CACNG7: variants seen among roughly 807,000 people sequenced by gnomAD.
CACNG7 encodes calcium voltage-gated channel auxiliary subunit gamma 7.
A neutral mutation model predicts 26.3 loss-of-function variants in CACNG7; 9 were observed. The ratio of observed to expected loss-of-function variants is 0.34; its 90% confidence interval spans 0.21 to 0.60. The LOEUF (loss-of-function observed/expected upper bound fraction) is 0.60, where lower values mean the gene tolerates loss of function less well. Among genes scored for constraint, CACNG7 ranks in the 20% least tolerant of loss-of-function variants. CACNG7 has a pLI of 0.81. For synonymous variants in CACNG7, 170 were observed against 157.0 expected (o/e 1.08, Z -0.62); for missense variants, 297 against 380.4 (o/e 0.78, Z 1.82).
intron 1 of CACNG7, among the ~76,000 whole-genome samples, chr19:53,911,048 G>A (rs1334678381): frequency 6.7e-6 from 1 of 149,498 alleles, no homozygotes; most frequent in African/African-American, 2.6e-5. Context: ...GATTGGTGGT[G>A]GTGGTGGGGT....
At chr19:53,925,484 G>GCTGGTCCTTGGTGGACTTGCCCCAGGT (rs1555811165) in intron 4 of CACNG7, among the ~76,000 whole-genome samples, 1 of 116,684 alleles carries the variant, frequency 8.6e-6, no homozygotes, top group Non-Finnish European at 1.7e-5. Context: ...GTTGCCCCAG[G>GCTGGTCCTTGGTGGACTTGCCCCAGGT]CTGGTCATTG....
chr19:53,923,005 C>T (rs74180739), intron 4 of CACNG7, among the ~76,000 whole-genome samples: 1 of 84,402 alleles, frequency 1.2e-5, no homozygotes, highest in Non-Finnish European at 2.1e-5. Flanking sequence ...GTCATTGGTG[C>T]AGTTGCCCCA....
At chr19:53,918,893 C>T (rs1286265724) in intron 4 of CACNG7, among the ~76,000 whole-genome samples, 5 of 152,232 alleles carry the variant, frequency 3.3e-5, no homozygotes, top group East Asian at 1.9e-4. Flanking sequence ...CTCAGCCTCC[C>T]GAGTAGCTGG....
At chr19:53,911,625 C>T (rs1023568856) in intron 1 of CACNG7, among the ~76,000 whole-genome samples, 6 of 151,898 alleles carry the variant, frequency 4.0e-5, no homozygotes, top group African/African-American at 1.2e-4. Context: ...GTCAGAGGGG[C>T]GAAAGGGGGA....
intron 4 of CACNG7, among the ~76,000 whole-genome samples, chr19:53,925,737 G>T (rs554481265): frequency 6.6e-6 from 1 of 152,250 alleles, no homozygotes; most frequent in Non-Finnish European, 1.5e-5. Flanking sequence ...GGATGGACTA[G>T]AGGGAAAGAG....
intron 4 of CACNG7, among the ~76,000 whole-genome samples, chr19:53,919,398 C>A (rs1284832104): frequency 6.7e-6 from 1 of 149,804 alleles, no homozygotes; most frequent in Admixed American, 6.6e-5. Flanking sequence ...GTGGAGTTGT[C>A]CCCAGGCCTG....
chr19:53,918,961 G>A (rs1200989104), intron 4 of CACNG7, among the ~76,000 whole-genome samples: 3 of 152,104 alleles, frequency 2.0e-5, no homozygotes, highest in African/African-American at 7.2e-5. Context: ...GTAGAGACGG[G>A]GTTTCACTGT....
At position 53,912,719 on chromosome 19, in the gene CACNG7, G is replaced by C; in HGVS notation, c.-29-84G>C. On this transcript the variant is annotated intron_variant, in intron 1 of 5. Coordinates refer to ENST00000391767, the MANE Select transcript of CACNG7 (RefSeq NM_031896.5). The surrounding 1 kb of genome is among the most constrained non-coding windows in gnomAD (Gnocchi z 4.6). Reference sequence around the variant, plus strand: ...ATTTGGGAGTCAGTGTCTCTGGCTAGGGCCCAGCATCCCGGGTTGCTGCAT... The same window carrying C: ...ATTTGGGAGTCAGTGTCTCTGGCTACGGCCCAGCATCCCGGGTTGCTGCAT... The C allele has an allele frequency of 9.2e-7, 1 of 1,082,890 alleles. No homozygotes were observed. Among genetic ancestry groups the C allele is most frequent in the Non-Finnish European group, 1.4e-6 (1 of 727,154 alleles). The allele number at this position is 1,082,890 out of a possible 1,614,324, so 67.1% of individuals were successfully genotyped here.
At chr19:53,927,312 G>A (rs1213005424) in intron 4 of CACNG7, among the ~76,000 whole-genome samples, 5 of 152,178 alleles carry the variant, frequency 3.3e-5, no homozygotes, top group African/African-American at 1.2e-4. Flanking sequence ...TTTCCAGAAT[G>A]AGTGAGGGCA....
intron 4 of CACNG7, among the ~76,000 whole-genome samples, chr19:53,923,818 C>A (rs1242430821): frequency 1.3e-4 from 11 of 87,738 alleles, no homozygotes; most frequent in East Asian, 3.2e-4. Flanking sequence ...GGTGGAGTTG[C>A]CCCAGGTCTG....
intron 4 of CACNG7, among the ~76,000 whole-genome samples, chr19:53,922,295 T>TC (rs560269668): frequency 0.01 from 552 of 54,076 alleles, 65 homozygotes; most frequent in South Asian, 0.023. Context: ...CCAGGTCTGG[T>TC]ATTGGTGGAG....
chr19:53,941,615 G>A lies in CACNG7; in HGVS notation c.570G>A (p.Glu190=). The A allele has an allele frequency of 6.2e-7, 1 of 1,610,912 alleles. No individual in the cohort carries two copies. Among genetic ancestry groups the A allele is most frequent in the Non-Finnish European group, 8.5e-7 (1 of 1,178,860 alleles). ...AFAASSFLLK[E]GAGVMSVYLF... ...CCGCTTCCTCCTTCCTACTCAAAGAGGTGACGTCCGTGGGACCTAGACTCT... is the reference window on the plus strand; with the variant it reads ...CCGCTTCCTCCTTCCTACTCAAAGAAGTGACGTCCGTGGGACCTAGACTCT... The change falls in exon 5 of 6, where the codon GAG becomes GAA. Residue 190 remains glutamate (E), a splice_region_variant and synonymous_variant. Transcript: ENST00000391767.
chr19:53,918,611 G>T (rs1357230556), intron 4 of CACNG7, among the ~76,000 whole-genome samples: 1 of 152,110 alleles, frequency 6.6e-6, no homozygotes, highest in African/African-American at 2.4e-5. Flanking sequence ...CCACTGCCTG[G>T]ACTGTAACAG....
At chr19:53,920,143 GT>G (rs1486146095) in intron 4 of CACNG7, among the ~76,000 whole-genome samples, 10 of 104,028 alleles carry the variant, frequency 9.6e-5, no homozygotes, top group South Asian at 3.8e-4. Flanking sequence ...CTTGCCCCAG[GT>G]CTGGTCATTG....
chr19:53,926,955 CTTTTTCTT>C (rs1311992330), intron 4 of CACNG7, among the ~76,000 whole-genome samples: 7 of 152,116 alleles, frequency 4.6e-5, no homozygotes, highest in East Asian at 1.9e-4. Flanking sequence ...CTTTTCTTTC[CTTTTTCTT>C]TTTTTCTTTT....
chr19:53,913,222 C>G (rs934788513), intron 2 of CACNG7, among the ~76,000 whole-genome samples, 195 bp downstream of exon 2: 1 of 152,062 alleles, frequency 6.6e-6, no homozygotes, highest in African/African-American at 2.4e-5. Flanking sequence ...ATGCTCCAGG[C>G]CCCTAACCCC....
chr19:53,928,119 G>A (rs1417339186), intron 4 of CACNG7, among the ~76,000 whole-genome samples: 1 of 152,012 alleles, frequency 6.6e-6, no homozygotes, highest in Non-Finnish European at 1.5e-5. Flanking sequence ...GAGAACCAGG[G>A]CTAATGCAAA....
intron 4 of CACNG7, among the ~76,000 whole-genome samples, chr19:53,920,980 T>C (rs1191055968): frequency 1.1e-5 from 1 of 87,238 alleles, no homozygotes; most frequent in African/African-American, 6.4e-5. Context: ...AGGCTGGTCA[T>C]TGGTGGAGTT....
chr19:53,910,338 G>T lies in CACNG7; in HGVS notation c.-30+821G>T. On this transcript the variant is annotated intron_variant, in intron 1 of 5. Transcript: ENST00000391767. ...GCTGGCCAGAGCGTTCCCTGACTCCGGATCTCGGAGGCCTCCAAGAGGTTG... is the reference window on the plus strand; with the variant it reads ...GCTGGCCAGAGCGTTCCCTGACTCCTGATCTCGGAGGCCTCCAAGAGGTTG... Among the ~76,000 whole-genome samples, 2 of 149,436 alleles carry T rather than the reference G, an allele frequency of 1.3e-5. 1 individual carries two copies.
Sources: gnomAD v4.1 joint callset for allele counts (sites outside exome capture counted in the v4.1 genomes callset) on GRCh38, gnomAD v4.1.1 for gene constraint, Gnocchi (gnomAD v3.1) non-coding constraint, MANE v1.5 for transcripts, NCBI Gene and HGNC (gene_info 2026-07-23, HGNC 2026-07-21) for gene names.